Variants in PLEKHG4B observed in about 807,000 individuals in gnomAD.
PLEKHG4B encodes pleckstrin homology and RhoGEF domain containing G4B, also known as pleckstrin homology domain-containing family G member 4B.
Under a neutral mutation model 121.3 loss-of-function variants are expected in PLEKHG4B, and 111 were observed. That is an observed-to-expected ratio of 0.92 (90% CI 0.78 to 1.07). The LOEUF (loss-of-function observed/expected upper bound fraction) is 1.07. Among genes scored for constraint, PLEKHG4B ranks in the 50% least tolerant of loss-of-function variants. PLEKHG4B has a pLI of 0.00. For missense variants in PLEKHG4B, 1,831 were observed against 1,757.8 expected, an observed-to-expected ratio of 1.04 and a Z score of -0.74; for synonymous variants, 738 against 725.0, an observed-to-expected ratio of 1.02 and a Z score of -0.29.
chr5:130,372 G>A lies in PLEKHG4B; in HGVS notation c.244-9111G>A, dbSNP rs577745891. ...GCATTTAAAAAATACATAAGGAAAT[G>A]TTAATAACTAATATTAAACCAAAAA... is the stretch of plus-strand genomic sequence containing the variant. On this transcript the variant is annotated intron_variant, in intron 2 of 19. Coordinates refer to ENST00000637938, the MANE Select transcript of PLEKHG4B (RefSeq NM_052909.5). Among the ~76,000 whole-genome samples the A allele has an allele frequency of 2.0e-4, 30 of 152,224 alleles. No homozygotes were observed. In the South Asian group the frequency reaches 5.8e-3, roughly 30 times the overall value.
At chr5:100,415 G>A (rs1291464793) in intron 1 of PLEKHG4B, among the ~76,000 whole-genome samples, 2 of 148,366 alleles carry the variant, frequency 1.3e-5, no homozygotes, top group Non-Finnish European at 3.0e-5. Context: ...GGGAGAGACT[G>A]TTGTGAGGTA....
intron 1 of PLEKHG4B, among the ~76,000 whole-genome samples, chr5:111,949 C>T (rs1200984249): frequency 6.6e-6 from 1 of 151,016 alleles, no homozygotes; most frequent in East Asian, 1.9e-4. Flanking sequence ...TTCTCATGGA[C>T]TGTGTGACCC....
rs554515320 is a variant in PLEKHG4B, at chr5:111,853, C to T, written c.46-1398C>T. ...CCTAAAGCACAGCCATCCTGGTGCC[C>T]GATGTGGGTGATTCTGTCCCCGGCC... On this transcript the variant is annotated intron_variant, in intron 1 of 19. Transcript: ENST00000637938. Among the ~76,000 whole-genome samples, 62 of 152,154 alleles carry T rather than the reference C, an allele frequency of 4.1e-4. 1 individual carries two copies. Among genetic ancestry groups the T allele is most frequent in the African/African-American group, 1.4e-3 (60 of 41,510 alleles).
At chr5:144,773 C>A in intron 5 of PLEKHG4B, 54 bp from the exon 6 acceptor site, 6 of 1,501,038 alleles carry the variant, frequency 4.0e-6, no homozygotes, top group Non-Finnish European at 5.5e-6. Context: ...GAAACTCGTT[C>A]TTGTAAGAGA....
At chr5:164,805 C>G (rs1160641542) in intron 13 of PLEKHG4B, among the ~76,000 whole-genome samples, 1 of 101,920 alleles carries the variant, frequency 9.8e-6, no homozygotes, top group African/African-American at 3.6e-5. Flanking sequence ...GGGCGGAGCT[C>G]ACACACTAAT....
chr5:169,674 G>A (rs146148078), intron 14 of PLEKHG4B, 82 bp downstream of exon 14: 321 of 1,558,510 alleles, frequency 2.1e-4, no homozygotes, highest in Non-Finnish European at 2.2e-4. Context: ...CAGGGCCCAC[G>A]TGTCAGGCGG....
At chr5:154,775 C>A in intron 7 of PLEKHG4B, 100 bp from the exon 8 acceptor site, 2 of 890,138 alleles carry the variant, frequency 2.2e-6, no homozygotes, top group South Asian at 1.4e-5. Context: ...CTCCTTGAGC[C>A]AGCCTCTCCA....
At chr5:158,308 A>ATCTCCTCTCCTCCC (rs1560937373) in intron 11 of PLEKHG4B, among the ~76,000 whole-genome samples, 1 of 85,014 alleles carries the variant, frequency 1.2e-5, no homozygotes, top group Admixed American at 1.6e-4. Flanking sequence ...GGTCTCCTCC[A>ATCTCCTCTCCTCCC]TCTCCTCTCC....
intron 3 of PLEKHG4B, among the ~76,000 whole-genome samples, chr5:142,304 TCACA>T (rs1330416460): frequency 1.3e-5 from 2 of 152,074 alleles, no homozygotes; most frequent in Non-Finnish European, 2.9e-5. Context: ...CCCCTCGCAG[TCACA>T]CACACGCCAT....
chr5:146,677 C>T (rs1489170349), intron 6 of PLEKHG4B, among the ~76,000 whole-genome samples: 2 of 123,452 alleles, frequency 1.6e-5, no homozygotes, highest in African/African-American at 3.0e-5. Flanking sequence ...CCCCCCTCCT[C>T]TCCTCCCCCA....
rs114926976 is a variant in PLEKHG4B at position 161,754 on chromosome 5, T to G, written c.2488-29T>G. 4,075 of 1,613,144 alleles carry G rather than the reference T, an allele frequency of 2.5e-3. 14 individuals are homozygous for G. The highest frequency in any genetic ancestry group is 3.1e-3 in the Non-Finnish European group (3,633 of 1,179,964). On this transcript the variant is annotated intron_variant, in intron 11 of 19. Coordinates refer to ENST00000637938, the MANE Select transcript of PLEKHG4B (RefSeq NM_052909.5). ...GACATGAACGTGGAAGCACCGGGCT[T>G]GTACTGATGCTTTGTTCCTTGGGTA... is the stretch of plus-strand genomic sequence containing the variant.
chr5:164,879 GACGGGGCGGAGCTCACACAGTA>G, intron 13 of PLEKHG4B, among the ~76,000 whole-genome samples: 1 of 92,882 alleles, frequency 1.1e-5, no homozygotes, highest in African/African-American at 3.9e-5. Context: ...GTAATGCTCT[GACGGGGCGGAGCTCACACAGTA>G]ATGCTGTGAC....
intron 2 of PLEKHG4B, among the ~76,000 whole-genome samples, chr5:122,554 G>C (rs1439865628): frequency 1.3e-5 from 2 of 152,004 alleles, no homozygotes; most frequent in South Asian, 4.2e-4. Context: ...CGAATAGCTG[G>C]GATTACAGGC....
chr5:108,006 C>T (rs981883291), intron 1 of PLEKHG4B, among the ~76,000 whole-genome samples: 6 of 152,118 alleles, frequency 3.9e-5, no homozygotes, highest in African/African-American at 9.7e-5. Context: ...GAGGAGGCCT[C>T]GAAACAGAGA....
chr5:181,412 C>A (rs1733359701), intron 18 of PLEKHG4B, 102 bp from the exon 19 acceptor site: 4 of 1,280,284 alleles, frequency 3.1e-6, no homozygotes, highest in East Asian at 2.3e-5. Context: ...ACCCTGTACA[C>A]CCTCCTGGTT....
At chr5:134,819 T>A (rs911614121) in intron 2 of PLEKHG4B, among the ~76,000 whole-genome samples, 24 of 149,532 alleles carry the variant, frequency 1.6e-4, no homozygotes, top group African/African-American at 5.9e-4. Flanking sequence ...TAATAATTCA[T>A]CAAAGTTGGA....
At chr5:107,756 G>C (rs1010671594) in intron 1 of PLEKHG4B, among the ~76,000 whole-genome samples, 1 of 152,330 alleles carries the variant, frequency 6.6e-6, no homozygotes, top group East Asian at 1.9e-4. Context: ...CTCTGCACTT[G>C]CCCTGGTGTG....
intron 1 of PLEKHG4B, among the ~76,000 whole-genome samples, chr5:106,077 C>T (rs1258511209): frequency 6.6e-6 from 1 of 152,126 alleles, no homozygotes; most frequent in African/African-American, 2.4e-5. Context: ...ATGAACAAAC[C>T]CTTACTTCCA....
intron 1 of PLEKHG4B, among the ~76,000 whole-genome samples, chr5:110,015 AAC>A (rs1271717547): frequency 2.0e-5 from 3 of 151,222 alleles, no homozygotes; most frequent in Non-Finnish European, 4.4e-5. Flanking sequence ...CAAAATCTGT[AAC>A]ACACGTGCAC....
Sources: gnomAD v4.1 joint callset for allele counts (sites outside exome capture counted in the v4.1 genomes callset) on GRCh38, gnomAD v4.1.1 for gene constraint, MANE v1.5 for transcripts, NCBI Gene and HGNC (gene_info 2026-07-23, HGNC 2026-07-21) for gene names.